Variants in HTR1F observed in about 807,000 individuals in gnomAD.
The protein encoded by HTR1F is 5-hydroxytryptamine receptor 1F, also known as 5-hydroxytryptamine (serotonin) receptor 1F, G protein-coupled.
A neutral mutation model predicts 24.0 loss-of-function variants in HTR1F; 17 were observed. The ratio of observed to expected loss-of-function variants is 0.71; its 90% CI spans 0.48 to 1.06. HTR1F has a LOEUF of 1.06. Ranked by LOEUF, HTR1F falls within the 50% of genes least tolerant of loss-of-function variation. HTR1F has a pLI of 0.00. For missense variants in HTR1F, 391 were observed against 427.8 expected (o/e 0.91, Z 0.76); for synonymous variants, 186 against 156.8 (o/e 1.19, Z -1.39).
At chr3:87,900,856 T>A (rs1576005541) in intron 2 of HTR1F, among the ~76,000 whole-genome samples, 1 of 152,172 alleles carries the variant, frequency 6.6e-6, no homozygotes, top group Non-Finnish European at 1.5e-5. Flanking sequence ...CATGTTACAT[T>A]TGAGATGCGT....
chr3:87,812,469 GAGGATCTGAAAT>G (rs1704177238), intron 1 of HTR1F, among the ~76,000 whole-genome samples: 1 of 152,104 alleles, frequency 6.6e-6, no homozygotes, highest in African/African-American at 2.4e-5. Context: ...ATTTGAGAGA[GAGGATCTGAAAT>G]AGGAACTTAT....
chr3:87,905,708 G>T (rs893439640), intron 2 of HTR1F, among the ~76,000 whole-genome samples: 1 of 148,926 alleles, frequency 6.7e-6, no homozygotes, highest in African/African-American at 2.5e-5. Flanking sequence ...ACTCAAAGGT[G>T]TAACCTTCTC....
intron 2 of HTR1F, among the ~76,000 whole-genome samples, chr3:87,986,482 T>A (rs1705664160): frequency 2.6e-5 from 4 of 152,200 alleles, no homozygotes; most frequent in African/African-American, 9.7e-5. Context: ...TTTTTATTTT[T>A]TTCTTGGCAT....
intron 2 of HTR1F, among the ~76,000 whole-genome samples, chr3:87,989,701 A>G (rs1051702604): frequency 1.3e-5 from 2 of 152,196 alleles, no homozygotes; most frequent in Non-Finnish European, 2.9e-5. Flanking sequence ...TTTTTAATAT[A>G]ATATTTTCTT....
intron 2 of HTR1F, among the ~76,000 whole-genome samples, chr3:87,865,958 C>A (rs1705417970): frequency 6.6e-6 from 1 of 152,092 alleles, no homozygotes; most frequent in Non-Finnish European, 1.5e-5. Flanking sequence ...CAATCACCAG[C>A]AATGAATGAG....
intron 2 of HTR1F, among the ~76,000 whole-genome samples, chr3:87,966,709 C>T (rs116746711): frequency 0.015 from 2,349 of 152,194 alleles, 31 homozygotes; most frequent in Non-Finnish European, 0.024. Context: ...TCTTAAGACT[C>T]ATAAGATAAA....
intron 2 of HTR1F, among the ~76,000 whole-genome samples, chr3:87,906,314 G>C (rs1403394985): frequency 1.3e-5 from 2 of 152,008 alleles, no homozygotes; most frequent in East Asian, 3.9e-4. Flanking sequence ...TAAAAAGCAA[G>C]CACTTTCAAG....
intron 2 of HTR1F, among the ~76,000 whole-genome samples, chr3:87,866,823 T>C (rs1043754235): frequency 1.5e-5 from 2 of 137,280 alleles, no homozygotes; most frequent in Non-Finnish European, 3.3e-5. Context: ...TGCGTGCGTG[T>C]GTGTGTGTGT....
intron 2 of HTR1F, among the ~76,000 whole-genome samples, chr3:87,951,855 C>T (rs1704841657): frequency 1.3e-5 from 2 of 152,052 alleles, no homozygotes; most frequent in African/African-American, 2.4e-5. Flanking sequence ...TCCTGGCAAT[C>T]AGTGATCTTT....
intron 1 of HTR1F, among the ~76,000 whole-genome samples, chr3:87,804,105 A>G (rs1704036464): frequency 6.6e-6 from 1 of 152,060 alleles, no homozygotes; most frequent in African/African-American, 2.4e-5. Flanking sequence ...TCTTTTTATT[A>G]TTTGTCAGGT....
chr3:87,909,721 C>T (rs1304713557), intron 2 of HTR1F, among the ~76,000 whole-genome samples: 1 of 151,970 alleles, frequency 6.6e-6, no homozygotes, highest in African/African-American at 2.4e-5. Context: ...AAACAGACAG[C>T]CCCAGAGTCT....
chr3:87,856,343 A>C (rs1448210475), intron 2 of HTR1F, among the ~76,000 whole-genome samples: 1 of 152,120 alleles, frequency 6.6e-6, no homozygotes, highest in Non-Finnish European at 1.5e-5. Context: ...AGAATAAAGT[A>C]ACATTTTAAA....
chr3:87,896,642 T>C (rs1706204930), intron 2 of HTR1F, among the ~76,000 whole-genome samples: 1 of 152,048 alleles, frequency 6.6e-6, no homozygotes, highest in African/African-American at 2.4e-5. Context: ...GACCAATAGA[T>C]TGGGAAAAAG....
intron 2 of HTR1F, among the ~76,000 whole-genome samples, chr3:87,958,547 G>C (rs568482134): frequency 1.3e-5 from 2 of 151,632 alleles, no homozygotes; most frequent in Admixed American, 1.3e-4. Flanking sequence ...AACACTCTTT[G>C]TTTACTCAGG....
rs1206662290 is a variant in HTR1F at position 87,931,962 on chromosome 3, G to A, written c.-42-58746G>A. On this transcript the variant is annotated intron_variant, in intron 2 of 2. Transcript: ENST00000319595. The stretch of plus-strand genomic sequence containing the variant: ...GATATTAGCCCTTTGTCAGATGAGT[G>A]GGTTGCAAAAATTTTCTCCCATTCT... Among the ~76,000 whole-genome samples the A allele has an allele frequency of 6.6e-5, 10 of 152,066 alleles. No homozygotes were observed. In the East Asian group the frequency reaches 9.7e-4, roughly 15 times the overall value.
chr3:87,943,518 C>T (rs1006732143), intron 2 of HTR1F, among the ~76,000 whole-genome samples: 1 of 151,290 alleles, frequency 6.6e-6, no homozygotes, highest in African/African-American at 2.4e-5. Context: ...CTTTGGTTAC[C>T]CCTTTGTCTA....
intron 2 of HTR1F, among the ~76,000 whole-genome samples, chr3:87,940,292 A>T (rs1284599901): frequency 6.6e-6 from 1 of 152,018 alleles, no homozygotes. Context: ...CCTTCGATAA[A>T]ACTCAACACC....
chr3:87,852,886 C>T (rs1705117038), intron 2 of HTR1F, among the ~76,000 whole-genome samples: 1 of 151,014 alleles, frequency 6.6e-6, no homozygotes, highest in Admixed American at 6.6e-5. Context: ...CAGAATATTT[C>T]ATTGTTCATA....
intron 2 of HTR1F, among the ~76,000 whole-genome samples, chr3:87,879,484 A>G (rs965908659): frequency 1.3e-5 from 2 of 152,164 alleles, no homozygotes; most frequent in Admixed American, 6.5e-5. Flanking sequence ...CTGGCAGTGC[A>G]TTAGCCAAGA....
Sources: gnomAD v4.1 joint callset for allele counts (sites outside exome capture counted in the v4.1 genomes callset) on GRCh38, gnomAD v4.1.1 for gene constraint, MANE v1.5 for transcripts, NCBI Gene and HGNC (gene_info 2026-07-23, HGNC 2026-07-21) for gene names.